The following MICU1 variants were observed in gnomAD, a reference collection of about 807,000 sequenced individuals.
MICU1 encodes mitochondrial calcium uptake 1.
A neutral mutation model predicts 56.8 loss-of-function variants in MICU1; 45 were observed. The ratio of observed to expected loss-of-function variants is 0.79; its 90% CI spans 0.62 to 1.02. The LOEUF (loss-of-function observed/expected upper bound fraction) is 1.02. Ranked by LOEUF, MICU1 falls within the 50% of genes least tolerant of loss-of-function variation. The probability of loss-of-function intolerance (pLI) is 0.00; values close to 1 mark genes in which losing one functional copy is unlikely to be tolerated. For missense variants in MICU1, 504 were observed against 587.1 expected, an observed-to-expected ratio of 0.86 and a Z score of 1.46; for synonymous variants, 186 against 195.1, an observed-to-expected ratio of 0.95 and a Z score of 0.39.
intron 3 of MICU1, among the ~76,000 whole-genome samples, chr10:72,555,349 C>T (rs917117416): frequency 6.6e-6 from 1 of 151,792 alleles, no homozygotes; most frequent in Non-Finnish European, 1.5e-5. Flanking sequence ...CAGCTTGAGA[C>T]TTGAGTTTTA....
intron 5 of MICU1, among the ~76,000 whole-genome samples, chr10:72,532,261 T>A (rs1050556708): frequency 6.6e-6 from 1 of 151,286 alleles, no homozygotes; most frequent in Non-Finnish European, 1.5e-5. Context: ...GAGCTTGCAG[T>A]GAGCCGAGAT....
intron 3 of MICU1, among the ~76,000 whole-genome samples, chr10:72,558,701 C>T (rs1394081467): frequency 6.6e-6 from 1 of 151,714 alleles, no homozygotes; most frequent in Non-Finnish European, 1.5e-5. Flanking sequence ...TACTTCTGAA[C>T]AAAAAAACCT....
chr10:72,562,239 C>T (rs760871348), intron 3 of MICU1, among the ~76,000 whole-genome samples: 2 of 142,718 alleles, frequency 1.4e-5, no homozygotes, highest in Non-Finnish European at 3.1e-5. Flanking sequence ...CTGCAACCTC[C>T]ACCTCCCGGG....
At chr10:72,447,104 T>G (rs7083067) in intron 8 of MICU1, among the ~76,000 whole-genome samples, 1 of 152,086 alleles carries the variant, frequency 6.6e-6, no homozygotes, top group Non-Finnish European at 1.5e-5. Context: ...GCATGGAAAG[T>G]TGAATTATAA....
intron 1 of MICU1, among the ~76,000 whole-genome samples, chr10:72,614,007 C>T (rs780646479): frequency 9.2e-5 from 14 of 152,056 alleles, no homozygotes; most frequent in Non-Finnish European, 1.5e-4. Flanking sequence ...ATTAGCTGGG[C>T]GTGGTGGCGG....
chr10:72,443,227 TC>T (rs1408639989), intron 8 of MICU1, among the ~76,000 whole-genome samples: 1 of 152,194 alleles, frequency 6.6e-6, no homozygotes, highest in Non-Finnish European at 1.5e-5. Context: ...GTTTGTTTTT[TC>T]CTTGTAAATT....
chr10:72,566,686 C>T lies in MICU1; in HGVS notation c.108G>A (p.Val36=), dbSNP rs1484436813. The change falls in exon 2 of 12, where the codon GTG becomes GTA. Residue 36 remains valine, a synonymous_variant. Transcript: ENST00000361114. The part of the protein sequence containing the change: ...PIQIRRRLMM[V]AFLGASAVTA... ...TTACTGCAGATGCTCCCAGGAAAGCCACCATCATTAGTCTTCGCCGGATCT... is the reference window on the plus strand; with the variant it reads ...TTACTGCAGATGCTCCCAGGAAAGCTACCATCATTAGTCTTCGCCGGATCT... The T allele has an allele frequency of 6.2e-7, 1 of 1,612,906 alleles. No homozygotes were observed. The highest frequency in any genetic ancestry group is 8.5e-7 in the Non-Finnish European group (1 of 1,179,510).
intron 1 of MICU1, among the ~76,000 whole-genome samples, chr10:72,598,645 T>C (rs1245857289): frequency 6.6e-6 from 1 of 152,146 alleles, no homozygotes; most frequent in Non-Finnish European, 1.5e-5. Flanking sequence ...ATTAATGTTT[T>C]CCTGAGATGC....
chr10:72,488,622 C>A (rs1265678654), intron 6 of MICU1, among the ~76,000 whole-genome samples: 1 of 152,114 alleles, frequency 6.6e-6, no homozygotes, highest in African/African-American at 2.4e-5. Flanking sequence ...TTATAAAATG[C>A]ATATGTAACA....
chr10:72,446,883 C>T (rs1185577573), intron 8 of MICU1, among the ~76,000 whole-genome samples: 1 of 152,112 alleles, frequency 6.6e-6, no homozygotes, highest in Non-Finnish European at 1.5e-5. Context: ...AGTTTGTGGT[C>T]ACACTTGCTT....
At chr10:72,465,793 C>T (rs958901087) in intron 8 of MICU1, among the ~76,000 whole-genome samples, 3 of 152,118 alleles carry the variant, frequency 2.0e-5, no homozygotes, top group Admixed American at 1.3e-4. Context: ...GGATTACAGA[C>T]ATGAGCCACC....
chr10:72,522,891 T>G (rs1277090523), intron 5 of MICU1, among the ~76,000 whole-genome samples: 3 of 152,146 alleles, frequency 2.0e-5, no homozygotes, highest in Admixed American at 6.6e-5. Context: ...TCCCACTACC[T>G]AAGAAAAAGG....
intron 8 of MICU1, 123 bp from the exon 9 acceptor site, chr10:72,423,494 T>G (rs904398227): frequency 1.7e-6 from 2 of 1,154,442 alleles, no homozygotes; most frequent in African/African-American, 1.6e-5. Flanking sequence ...ATTTTTGAGG[T>G]ACAATTCTCA....
intron 9 of MICU1, among the ~76,000 whole-genome samples, chr10:72,415,603 T>C (rs1863958462): frequency 6.6e-6 from 1 of 152,172 alleles, no homozygotes; most frequent in Non-Finnish European, 1.5e-5. Context: ...CTTTATCCCT[T>C]CCGCTCACAA....
chr10:72,579,566 T>C (rs992809638), intron 1 of MICU1, among the ~76,000 whole-genome samples: 1 of 152,174 alleles, frequency 6.6e-6, no homozygotes, highest in Non-Finnish European at 1.5e-5. Context: ...GAAAATTTCA[T>C]ACCTGACACA....
chr10:72,527,411 G>A (rs1027631387), intron 5 of MICU1, among the ~76,000 whole-genome samples: 5 of 151,070 alleles, frequency 3.3e-5, no homozygotes, highest in East Asian at 3.9e-4. Context: ...TCACTCTGTC[G>A]CCCAGGCTGA....
intron 1 of MICU1, among the ~76,000 whole-genome samples, chr10:72,616,756 C>T (rs560952549): frequency 2.0e-5 from 3 of 152,200 alleles, no homozygotes; most frequent in South Asian, 4.1e-4. Context: ...TCACATACAT[C>T]CACTGATCAG....
chr10:72,458,402 A>G (rs1167903014), intron 8 of MICU1, among the ~76,000 whole-genome samples: 2 of 152,250 alleles, frequency 1.3e-5, no homozygotes, highest in South Asian at 2.1e-4. Context: ...GGAAACTTGG[A>G]AAATATTATC....
chr10:72,525,681 T>C (rs1301723990), intron 5 of MICU1, among the ~76,000 whole-genome samples: 1 of 152,166 alleles, frequency 6.6e-6, no homozygotes, highest in Non-Finnish European at 1.5e-5. Flanking sequence ...AAGAAAATCA[T>C]ATATATGATA....
Sources: allele counts gnomAD v4.1 joint callset (sites outside exome capture counted in the v4.1 genomes callset), GRCh38; gene constraint gnomAD v4.1.1; transcripts MANE v1.5; gene names NCBI Gene and HGNC (gene_info 2026-07-23, HGNC 2026-07-21).